The following FGF14 variants were observed in gnomAD, a reference collection of about 807,000 sequenced individuals.
FGF14 encodes fibroblast growth factor 14, also known as fibroblast growth factor homologous factor 4.
A neutral mutation model predicts 25.5 loss-of-function variants in FGF14; 5 were observed. That is an observed-to-expected ratio of 0.20 (90% CI 0.10 to 0.41). The LOEUF (loss-of-function observed/expected upper bound fraction) is 0.41, where lower values mean the gene tolerates loss of function less well. Ranked by LOEUF, FGF14 falls within the 10% of genes least tolerant of loss-of-function variation. The pLI is 1.00. For missense variants in FGF14, 222 were observed against 320.1 expected, an observed-to-expected ratio of 0.69 and a Z score of 2.34; for synonymous variants, 138 against 118.3, an observed-to-expected ratio of 1.17 and a Z score of -1.08.
chr13:101,790,607 C>T (rs987836150), intron 3 of FGF14, among the ~76,000 whole-genome samples: 4 of 152,164 alleles, frequency 2.6e-5, no homozygotes, highest in Non-Finnish European at 4.4e-5. Context: ...ACCACCTAGA[C>T]GTTAAACACC....
At chr13:101,896,384 A>ACATTTCAC (rs914851892) in intron 1 of FGF14, among the ~76,000 whole-genome samples, 5 of 152,032 alleles carry the variant, frequency 3.3e-5, no homozygotes, top group Admixed American at 6.6e-5. Flanking sequence ...CCCACTCTGT[A>ACATTTCAC]CATTTCACCT....
chr13:101,911,639 T>C (rs537736649), intron 1 of FGF14, among the ~76,000 whole-genome samples: 1 of 152,276 alleles, frequency 6.6e-6, no homozygotes, highest in South Asian at 2.1e-4. Flanking sequence ...TCTGGTAATA[T>C]TCTCATAAGA....
chr13:102,084,802 A>T (rs2043812089), intron 1 of FGF14, among the ~76,000 whole-genome samples: 1 of 152,110 alleles, frequency 6.6e-6, no homozygotes, highest in Non-Finnish European at 1.5e-5. Flanking sequence ...CCAGGTGTGA[A>T]TTTTCTCATA....
chr13:101,846,287 T>TA (rs2043455315), intron 3 of FGF14, among the ~76,000 whole-genome samples: 1 of 151,810 alleles, frequency 6.6e-6, no homozygotes, highest in Non-Finnish European at 1.5e-5. Flanking sequence ...AATACTACAT[T>TA]AAAAAAATTA....
chr13:102,311,175 G>A (rs752366411), intron 1 of FGF14, among the ~76,000 whole-genome samples: 7 of 152,114 alleles, frequency 4.6e-5, no homozygotes, highest in Non-Finnish European at 8.8e-5. Flanking sequence ...TTTCTTAAGG[G>A]TGTGAAGAAA....
At chr13:101,768,602 A>G (rs1484068657) in intron 3 of FGF14, among the ~76,000 whole-genome samples, 1 of 152,152 alleles carries the variant, frequency 6.6e-6, no homozygotes, top group Non-Finnish European at 1.5e-5. Context: ...ACAGTGAAGT[A>G]TTGGTGAAGG....
intron 1 of FGF14, among the ~76,000 whole-genome samples, chr13:101,905,762 C>A (rs771557277): frequency 6.6e-6 from 1 of 152,114 alleles, no homozygotes; most frequent in Non-Finnish European, 1.5e-5. Flanking sequence ...CTAGCCTGTT[C>A]TATGGGTACA....
intron 1 of FGF14, among the ~76,000 whole-genome samples, chr13:102,374,669 T>C (rs1379750314): frequency 1.0e-4 from 9 of 90,278 alleles, no homozygotes; most frequent in South Asian, 3.9e-4. Context: ...TATATATATA[T>C]ATATATATAT....
rs566062864 is a variant in FGF14, at chr13:102,158,234, G to C, written c.208+243237C>G. Reference sequence around the variant, plus strand: ...ACACATGCACACGTATGTTTATTGCGGCACTATTCACAATAGCAAAGACTT... The same window carrying C: ...ACACATGCACACGTATGTTTATTGCCGCACTATTCACAATAGCAAAGACTT... On this transcript the variant is annotated intron_variant, in intron 1 of 4. Transcript: ENST00000376131. Among the ~76,000 whole-genome samples, 159 of 152,156 alleles carry C rather than the reference G, an allele frequency of 1.0e-3. 1 individual carries two copies. The South Asian group carries it at 0.011, about 11-fold the overall frequency.
chr13:102,182,340 AGGG>A (rs1181384815), intron 1 of FGF14, among the ~76,000 whole-genome samples: 1 of 152,174 alleles, frequency 6.6e-6, no homozygotes, highest in Non-Finnish European at 1.5e-5. Flanking sequence ...GAGCCTCTGG[AGGG>A]GCAGAGCCCT....
chr13:101,726,550 T>C lies in FGF14; in HGVS notation c.607+62A>G, dbSNP rs2035450047. On this transcript the variant is annotated intron_variant, in intron 4 of 4. Coordinates refer to ENST00000376143, the MANE Select transcript of FGF14 (RefSeq NM_004115.4). ...GTTTCTTAGAGCCATGGTAGACCTA[T>C]CAATTTGAAAAATAAAATATGTAAT... The C allele has an allele frequency of 4.7e-6, 7 of 1,494,508 alleles. No individual in the cohort carries two copies. In the Admixed American group the frequency reaches 1.0e-4, roughly 22 times the overall value. The allele number at this position is 1,494,508 out of a possible 1,614,324, so 92.6% of individuals were successfully genotyped here. A position where few individuals can be genotyped will look rare whatever the true frequency, so the allele number is the denominator to read the frequency against.
At chr13:101,844,745 C>G (rs530269555) in intron 3 of FGF14, among the ~76,000 whole-genome samples, 3 of 152,016 alleles carry the variant, frequency 2.0e-5, no homozygotes. Context: ...ATATCACATA[C>G]AGCTATTTGC....
At chr13:102,329,137 G>T (rs1270862757) in intron 1 of FGF14, among the ~76,000 whole-genome samples, 2 of 152,076 alleles carry the variant, frequency 1.3e-5, no homozygotes, top group African/African-American at 4.8e-5. Context: ...CAAATAGAGG[G>T]TTGCATTAAT....
At chr13:102,037,982 G>A (rs1203204316) in intron 1 of FGF14, among the ~76,000 whole-genome samples, 2 of 152,216 alleles carry the variant, frequency 1.3e-5, no homozygotes, top group Admixed American at 6.5e-5. Flanking sequence ...AATGAGATAC[G>A]AATATGAATA....
chr13:101,933,353 A>G (rs1436449202), intron 1 of FGF14, among the ~76,000 whole-genome samples: 1 of 152,206 alleles, frequency 6.6e-6, no homozygotes, highest in Non-Finnish European at 1.5e-5. Flanking sequence ...AGCAATAAAT[A>G]AGAAGTTATC....
In FGF14 at chr13:101,719,406, C is replaced by T. The variant is rs2034843980; in HGVS notation, c.*3425G>A. 1 of 151,564 alleles carries T rather than the reference C, an allele frequency of 6.6e-6. No homozygotes were observed. The highest frequency in any genetic ancestry group is 1.5e-5 in the Non-Finnish European group (1 of 67,948). The allele number at this position is 151,564 out of a possible 1,614,324, so 9.4% of individuals were successfully genotyped here. On this transcript the variant is annotated 3_prime_UTR_variant, in exon 5 of 5. Transcript: ENST00000376143. Reference sequence around the variant, plus strand: ...TCTTTAAGCCACTGCTACCCAAAAACATTCAGGACAAGCAAACATTTAGAG... The same window carrying T: ...TCTTTAAGCCACTGCTACCCAAAAATATTCAGGACAAGCAAACATTTAGAG...
At chr13:102,316,972 C>T (rs2056054981) in intron 1 of FGF14, among the ~76,000 whole-genome samples, 1 of 152,106 alleles carries the variant, frequency 6.6e-6, no homozygotes, top group Admixed American at 6.6e-5. Context: ...CATGATACTT[C>T]TTTTGATTGT....
At chr13:101,983,967 T>C (rs2038416910) in intron 1 of FGF14, among the ~76,000 whole-genome samples, 2 of 152,148 alleles carry the variant, frequency 1.3e-5, no homozygotes, top group East Asian at 1.9e-4. Flanking sequence ...CGCTTTCCCA[T>C]CTATACTTTG....
chr13:101,999,781 T>C (rs2039381756), intron 1 of FGF14, among the ~76,000 whole-genome samples: 1 of 152,180 alleles, frequency 6.6e-6, no homozygotes, highest in Non-Finnish European at 1.5e-5. Flanking sequence ...CCATCATATA[T>C]ACGATAAGTG....
Sources: gnomAD v4.1 joint callset for allele counts (sites outside exome capture counted in the v4.1 genomes callset) on GRCh38, gnomAD v4.1.1 for gene constraint, MANE v1.5 for transcripts, NCBI Gene and HGNC (gene_info 2026-07-23, HGNC 2026-07-21) for gene names.